The following CCNY variants were observed in gnomAD, a reference collection of about 807,000 sequenced individuals.
CCNY encodes cyclin-Y.
Under a neutral mutation model 42.8 loss-of-function variants are expected in CCNY, and 19 were observed. The observed-to-expected ratio is 0.44, with a 90% confidence interval of 0.31 to 0.65. The LOEUF is 0.65. Ranked by LOEUF, CCNY falls within the 30% of genes least tolerant of loss-of-function variation. The pLI, the probability that CCNY is intolerant of heterozygous loss-of-function variation, is 0.07. For missense variants in CCNY, 370 were observed against 437.3 expected (o/e 0.85, Z 1.37); for synonymous variants, 165 against 162.7 (o/e 1.01, Z -0.11).
intron 3 of CCNY, among the ~76,000 whole-genome samples, chr10:35,294,529 T>C (rs367680624): frequency 1.1e-4 from 16 of 152,380 alleles, no homozygotes; most frequent in East Asian, 5.8e-4. Flanking sequence ...TGTGTTTTTT[T>C]GTCCTTTATT....
At chr10:35,515,013 G>A (rs938636318) in intron 3 of CCNY, among the ~76,000 whole-genome samples, 2 of 152,216 alleles carry the variant, frequency 1.3e-5, no homozygotes, top group East Asian at 1.9e-4. Flanking sequence ...TTAAAAAGAG[G>A]AAGAGAATTG....
chr10:35,301,773 T>A (rs1835536438), intron 3 of CCNY, among the ~76,000 whole-genome samples: 1 of 151,838 alleles, frequency 6.6e-6, no homozygotes, highest in African/African-American at 2.4e-5. Flanking sequence ...GGGACAGGTC[T>A]ACAGGTGCAT....
At chr10:35,397,880 A>G (rs1837558639) in intron 1 of CCNY, among the ~76,000 whole-genome samples, 1 of 152,150 alleles carries the variant, frequency 6.6e-6, no homozygotes, top group African/African-American at 2.4e-5. Flanking sequence ...TTAAATTGCC[A>G]GTTGCTAACC....
At chr10:35,305,480 T>A (rs1213873089) in intron 3 of CCNY, among the ~76,000 whole-genome samples, 1 of 152,206 alleles carries the variant, frequency 6.6e-6, no homozygotes, top group Non-Finnish European at 1.5e-5. Context: ...TCCAATGGCA[T>A]CAGCTGATAC....
chr10:35,447,836 A>G (rs952404321), intron 1 of CCNY, among the ~76,000 whole-genome samples: 1 of 152,198 alleles, frequency 6.6e-6, no homozygotes. Context: ...ACGTGGCTGT[A>G]AACCACAGAT....
At chr10:35,527,661 T>TA (rs1439788145) in intron 5 of CCNY, among the ~76,000 whole-genome samples, 2 of 152,224 alleles carry the variant, frequency 1.3e-5, no homozygotes, top group Non-Finnish European at 2.9e-5. Context: ...TCTCCTAGAT[T>TA]AATGATGATA....
intron 3 of CCNY, among the ~76,000 whole-genome samples, chr10:35,281,444 C>G (rs1253951029): frequency 6.6e-6 from 1 of 152,054 alleles, no homozygotes; most frequent in Non-Finnish European, 1.5e-5. Context: ...AGATTACAGG[C>G]ACCTGCCACC....
chr10:35,270,915 C>T (rs1007773540), intron 3 of CCNY, among the ~76,000 whole-genome samples: 5 of 151,586 alleles, frequency 3.3e-5, no homozygotes, highest in East Asian at 1.9e-4. Flanking sequence ...TTAGTAGAAA[C>T]GGGGCTTCAC....
At chr10:35,475,820 T>C (rs1839496497) in intron 1 of CCNY, among the ~76,000 whole-genome samples, 1 of 150,868 alleles carries the variant, frequency 6.6e-6, no homozygotes. Context: ...GACTAAATGC[T>C]CCAATTAAAA....
intron 4 of CCNY, among the ~76,000 whole-genome samples, chr10:35,519,925 A>C (rs1840513900): frequency 2.0e-5 from 3 of 151,772 alleles, no homozygotes; most frequent in African/African-American, 7.3e-5. Flanking sequence ...TTACAGGTAC[A>C]CACTACCATG....
Position 35,399,266 on chromosome 10 carries a change from C to T in CCNY, c.154+62059C>T, listed in dbSNP as rs578189669. Among the ~76,000 whole-genome samples the T allele has an allele frequency of 2.2e-4, 33 of 151,422 alleles. No homozygotes were observed. The South Asian group carries it at 3.4e-3, about 15-fold the overall frequency. On this transcript the variant is annotated intron_variant, in intron 1 of 9. Transcript: ENST00000374704. The stretch of plus-strand genomic sequence containing the variant: ...GTGAGGTCGTAGCTCCCTGCTGGGC[C>T]GTGGAGGCTGTGGACTGCATGTCTG...
At chr10:35,563,301 G>A (rs1841502114) in intron 8 of CCNY, among the ~76,000 whole-genome samples, 1 of 152,100 alleles carries the variant, frequency 6.6e-6, no homozygotes, top group Admixed American at 6.5e-5. Context: ...TGTTTTCCAG[G>A]GAACCCTGGG....
At chr10:35,516,669 T>C (rs1354167931) in intron 4 of CCNY, 46 bp downstream of exon 4, 3 of 982,698 alleles carry the variant, frequency 3.1e-6, no homozygotes, top group African/African-American at 4.7e-5. Context: ...TCCTTTTTTT[T>C]TTTTTTTTTT....
chr10:35,544,840 G>A (rs148363117), intron 7 of CCNY, among the ~76,000 whole-genome samples: 29 of 152,354 alleles, frequency 1.9e-4, no homozygotes, highest in African/African-American at 6.7e-4. Flanking sequence ...GAGCATGGCA[G>A]TCTCAGGCTT....
At chr10:35,256,733 A>G (rs4102767) in intron 3 of CCNY, among the ~76,000 whole-genome samples, 37,810 of 148,344 alleles carry the variant, frequency 0.25, 4,992 homozygotes, top group African/African-American at 0.33. Context: ...TCTGTCTCAA[A>G]AATAAAACAT....
intron 3 of CCNY, among the ~76,000 whole-genome samples, chr10:35,279,455 C>T (rs1403862608): frequency 6.6e-6 from 1 of 152,162 alleles, no homozygotes; most frequent in Non-Finnish European, 1.5e-5. Flanking sequence ...GCAAAGGGCT[C>T]GCTTGGAGGG....
At chr10:35,293,297 A>G (rs1835436010) in intron 3 of CCNY, among the ~76,000 whole-genome samples, 1 of 152,194 alleles carries the variant, frequency 6.6e-6, no homozygotes. Flanking sequence ...TAAATGTGAA[A>G]GTTTATTTCT....
chr10:35,468,387 T>C (rs1057179348), intron 1 of CCNY, among the ~76,000 whole-genome samples: 2 of 152,214 alleles, frequency 1.3e-5, no homozygotes, highest in Non-Finnish European at 2.9e-5. Flanking sequence ...GTGATTGTGT[T>C]TGCATGCATG....
intron 8 of CCNY, among the ~76,000 whole-genome samples, chr10:35,557,171 G>A (rs1278636543): frequency 1.3e-5 from 2 of 152,144 alleles, no homozygotes; most frequent in Non-Finnish European, 2.9e-5. Flanking sequence ...ATTTTATATA[G>A]TAGGGTTTTA....
Sources: gnomAD v4.1 joint callset for allele counts (sites outside exome capture counted in the v4.1 genomes callset) on GRCh38, gnomAD v4.1.1 for gene constraint, MANE v1.5 for transcripts, NCBI Gene and HGNC (gene_info 2026-07-23, HGNC 2026-07-21) for gene names.